The following VTA1 variants were observed in gnomAD, a reference collection of about 807,000 sequenced individuals.
VTA1 encodes the protein vesicle trafficking 1, also known as vacuolar protein sorting-associated protein VTA1 homolog.
A neutral mutation model predicts 36.9 loss-of-function variants in VTA1; 24 were observed. The observed-to-expected ratio is 0.65, with a 90% CI of 0.47 to 0.91. The LOEUF is 0.91. Among genes scored for constraint, VTA1 ranks in the 40% least tolerant of loss-of-function variants. The pLI, the probability that VTA1 is intolerant of heterozygous loss-of-function variation, is 0.00. For synonymous variants in VTA1, 142 were observed against 130.2 expected (o/e 1.09, Z -0.62); for missense variants, 393 against 377.2 (o/e 1.04, Z -0.35).
intron 4 of VTA1, among the ~76,000 whole-genome samples, chr6:142,172,102 C>T (rs1409028488): frequency 1.3e-5 from 2 of 152,094 alleles, no homozygotes; most frequent in East Asian, 3.8e-4. Context: ...CCTCTACCTC[C>T]TGGGTTCAAG....
intron 4 of VTA1, among the ~76,000 whole-genome samples, chr6:142,177,314 C>T (rs543990825): frequency 2.0e-4 from 31 of 152,276 alleles, no homozygotes; most frequent in African/African-American, 7.5e-4. Context: ...CATTGGGCCT[C>T]CAAATTCTGT....
chr6:142,182,301 A>T (rs1434736521), intron 4 of VTA1, among the ~76,000 whole-genome samples: 3 of 152,232 alleles, frequency 2.0e-5, no homozygotes, highest in Non-Finnish European at 4.4e-5. Context: ...AATGTGGCAG[A>T]ATCCAGAATG....
chr6:142,222,835 ACTATT>A lies in VTA1; in HGVS notation c.*4196_*4200del, dbSNP rs1263719049. ...TTTCAATGTTTACTAAATGTCAGATACTATTCTAAGTATTTTGCATATATTAATTC... is the reference window on the plus strand; with the variant it reads ...TTTCAATGTTTACTAAATGTCAGATACTAAGTATTTTGCATATATTAATTC... On this transcript the variant is annotated 3_prime_UTR_variant, in exon 8 of 8. Transcript: ENST00000367630. 2 of 152,238 alleles carry A rather than the reference ACTATT, an allele frequency of 1.3e-5. No individual in the cohort carries two copies. Among genetic ancestry groups the A allele is most frequent in the Non-Finnish European group, 2.9e-5 (2 of 68,038 alleles). The allele number at this position is 152,238 out of a possible 1,614,324, so 9.4% of individuals were successfully genotyped here. A position where few individuals can be genotyped will look rare whatever the true frequency, so the allele number is the denominator to read the frequency against.
intron 1 of VTA1, among the ~76,000 whole-genome samples, chr6:142,164,489 A>G (rs1424383276): frequency 1.3e-5 from 2 of 152,226 alleles, no homozygotes; most frequent in African/African-American, 2.4e-5. Context: ...ATAGCCCTCA[A>G]AGCCTAAGCA....
intron 1 of VTA1, among the ~76,000 whole-genome samples, chr6:142,165,771 A>T (rs6570497): frequency 0.22 from 33,853 of 152,044 alleles, 4,526 homozygotes; most frequent in East Asian, 0.68. Flanking sequence ...ATTCAAAGAG[A>T]GAGTATATGT....
chr6:142,163,024 G>A (rs1223581406), intron 1 of VTA1, among the ~76,000 whole-genome samples: 1 of 152,210 alleles, frequency 6.6e-6, no homozygotes, highest in East Asian at 1.9e-4. Flanking sequence ...AATAAGAATT[G>A]AGAACATGGG....
intron 4 of VTA1, among the ~76,000 whole-genome samples, chr6:142,181,366 C>T (rs908213892): frequency 1.3e-5 from 2 of 148,224 alleles, no homozygotes; most frequent in African/African-American, 4.9e-5. Flanking sequence ...ATCTCCTGAC[C>T]TCGTGATCCG....
chr6:142,164,776 T>TA (rs886082658), intron 1 of VTA1, among the ~76,000 whole-genome samples: 2 of 152,144 alleles, frequency 1.3e-5, no homozygotes, highest in Non-Finnish European at 2.9e-5. Flanking sequence ...TAATGAATGA[T>TA]AAAAATGACA....
At chr6:142,209,586 G>A (rs1050824352) in intron 7 of VTA1, among the ~76,000 whole-genome samples, 36 of 144,360 alleles carry the variant, frequency 2.5e-4, no homozygotes, top group Non-Finnish European at 1.5e-5. Context: ...ATAAAATTCT[G>A]TTGAATGTAA....
intron 4 of VTA1, among the ~76,000 whole-genome samples, chr6:142,183,628 A>G (rs1185758259): frequency 6.6e-6 from 1 of 152,184 alleles, no homozygotes; most frequent in East Asian, 1.9e-4. Flanking sequence ...CTTAGAAAGG[A>G]TGTTTAATCA....
At chr6:142,216,748 T>A (rs1776010909) in intron 7 of VTA1, among the ~76,000 whole-genome samples, 2 of 152,204 alleles carry the variant, frequency 1.3e-5, no homozygotes, top group South Asian at 4.1e-4. Flanking sequence ...CGTTTTACCT[T>A]ATTAATAAGT....
chr6:142,181,327 G>A (rs1775234533), intron 4 of VTA1, among the ~76,000 whole-genome samples: 1 of 147,920 alleles, frequency 6.8e-6, no homozygotes, highest in African/African-American at 2.5e-5. Context: ...TAGAGATGGG[G>A]TTTCACTGTG....
intron 4 of VTA1, among the ~76,000 whole-genome samples, chr6:142,184,253 T>C (rs1775298941): frequency 6.6e-6 from 1 of 152,224 alleles, no homozygotes; most frequent in African/African-American, 2.4e-5. Flanking sequence ...GTGGTAATTG[T>C]AGTTTACCAA....
At chr6:142,199,390 A>T (rs1476412280) in intron 6 of VTA1, among the ~76,000 whole-genome samples, 1 of 152,110 alleles carries the variant, frequency 6.6e-6, no homozygotes, top group African/African-American at 2.4e-5. Context: ...TTTTACATTT[A>T]ATTTTTTCAA....
At chr6:142,187,727 A>G (rs1053637646) in intron 4 of VTA1, among the ~76,000 whole-genome samples, 2 of 152,124 alleles carry the variant, frequency 1.3e-5, no homozygotes, top group Non-Finnish European at 2.9e-5. Context: ...GGAGTGTTTG[A>G]TAAGGAAATG....
In VTA1 at chr6:142,164,413, A is replaced by G. The variant is rs533066345; in HGVS notation, c.113-1815A>G. Among the ~76,000 whole-genome samples the G allele has an allele frequency of 7.2e-5, 11 of 152,158 alleles. No homozygotes were observed. The East Asian group carries it at 2.1e-3, about 29-fold the overall frequency. On this transcript the variant is annotated intron_variant, in intron 1 of 7. Coordinates refer to ENST00000367630, the MANE Select transcript of VTA1 (RefSeq NM_016485.5). Reference sequence around the variant, plus strand: ...TCTCCTTAATACCTAGATGGATCGAATTCTTAAAATTGATATGTGGTTATG... The same window carrying G: ...TCTCCTTAATACCTAGATGGATCGAGTTCTTAAAATTGATATGTGGTTATG...
chr6:142,155,548 A>G (rs777788975), intron 1 of VTA1, among the ~76,000 whole-genome samples: 3 of 152,226 alleles, frequency 2.0e-5, no homozygotes, highest in Non-Finnish European at 4.4e-5. Flanking sequence ...GAATTATTAT[A>G]CATGCAGTTC....
At chr6:142,207,114 A>G (rs1024142962) in intron 7 of VTA1, among the ~76,000 whole-genome samples, 1 of 152,178 alleles carries the variant, frequency 6.6e-6, no homozygotes, top group African/African-American at 2.4e-5. Flanking sequence ...TGAGGATGAA[A>G]TAGTTCCTGG....
intron 4 of VTA1, 93 bp from the exon 5 acceptor site, chr6:142,189,333 T>G (rs1311358619): frequency 1.9e-6 from 2 of 1,064,502 alleles, no homozygotes; most frequent in Non-Finnish European, 2.7e-6. Flanking sequence ...AAAAATAGGT[T>G]TTATCTCAGA....
Sources: allele counts gnomAD v4.1 joint callset (sites outside exome capture counted in the v4.1 genomes callset), GRCh38; gene constraint gnomAD v4.1.1; transcripts MANE v1.5; gene names NCBI Gene and HGNC (gene_info 2026-07-23, HGNC 2026-07-21).